The following CAMKMT variants were observed in gnomAD, a reference collection of about 807,000 sequenced individuals.
The protein encoded by CAMKMT is CaM KMT.
Under a neutral mutation model 48.0 loss-of-function variants are expected in CAMKMT, and 53 were observed. That is an observed-to-expected ratio of 1.10 (90% confidence interval 0.89 to 1.39). CAMKMT has a LOEUF of 1.39. Among genes scored for constraint, CAMKMT ranks in the 40% most tolerant of loss-of-function variants. CAMKMT has a pLI of 0.00. For missense variants in CAMKMT, 428 were observed against 402.7 expected, an observed-to-expected ratio of 1.06 and a Z score of -0.54; for synonymous variants, 165 against 152.3, an observed-to-expected ratio of 1.08 and a Z score of -0.61.
intron 3 of CAMKMT, among the ~76,000 whole-genome samples, chr2:44,600,514 C>T (rs1022532757): frequency 7.9e-5 from 12 of 152,082 alleles, no homozygotes; most frequent in African/African-American, 2.4e-4. Flanking sequence ...AGCCATCCTT[C>T]GACCTCAGCC....
intron 3 of CAMKMT, among the ~76,000 whole-genome samples, chr2:44,555,274 T>G (rs1667945746): frequency 6.6e-6 from 1 of 152,172 alleles, no homozygotes; most frequent in East Asian, 1.9e-4. Flanking sequence ...ATTGAGACCT[T>G]AAACTAGGGG....
chr2:44,372,935 G>T, intron 2 of CAMKMT, 47 bp downstream of exon 2: 2 of 1,476,508 alleles, frequency 1.4e-6, no homozygotes, highest in South Asian at 1.3e-5. Flanking sequence ...GATTTCTCTT[G>T]GATAAGAAAA....
chr2:44,419,371 C>T (rs892094021), intron 3 of CAMKMT, among the ~76,000 whole-genome samples: 3 of 152,106 alleles, frequency 2.0e-5, no homozygotes, highest in Non-Finnish European at 2.9e-5. Flanking sequence ...GTGGAAGGTA[C>T]GATGGCAGCT....
intron 3 of CAMKMT, among the ~76,000 whole-genome samples, chr2:44,621,546 G>A (rs1672195432): frequency 6.6e-6 from 1 of 152,188 alleles, no homozygotes; most frequent in Non-Finnish European, 1.5e-5. Context: ...ATTCTAGGCA[G>A]AGGAAACAAA....
At chr2:44,453,099 C>T (rs573504299) in intron 3 of CAMKMT, among the ~76,000 whole-genome samples, 1 of 152,088 alleles carries the variant, frequency 6.6e-6, no homozygotes, top group South Asian at 2.1e-4. Context: ...ATGGAGACGA[C>T]AATGCTTGCT....
chr2:44,405,826 A>G (rs1436003164), intron 3 of CAMKMT, among the ~76,000 whole-genome samples: 2 of 152,180 alleles, frequency 1.3e-5, no homozygotes, highest in African/African-American at 4.8e-5. Flanking sequence ...TGCCTATGAA[A>G]TGTATATTCA....
intron 3 of CAMKMT, among the ~76,000 whole-genome samples, chr2:44,413,475 A>G (rs1298782667): frequency 6.6e-6 from 1 of 152,100 alleles, no homozygotes; most frequent in Non-Finnish European, 1.5e-5. Flanking sequence ...AACGTAGTGA[A>G]ACCCCGTGTC....
At chr2:44,624,021 C>T (rs1324986699) in intron 3 of CAMKMT, among the ~76,000 whole-genome samples, 1 of 152,080 alleles carries the variant, frequency 6.6e-6, no homozygotes, top group African/African-American at 2.4e-5. Flanking sequence ...TATGAATTTA[C>T]TACCACAGAT....
intron 3 of CAMKMT, among the ~76,000 whole-genome samples, chr2:44,565,142 C>T (rs952262645): frequency 6.7e-6 from 1 of 148,902 alleles, no homozygotes; most frequent in Non-Finnish European, 1.5e-5. Context: ...GCCAAAGGGA[C>T]CCCCCAAGTG....
intron 3 of CAMKMT, among the ~76,000 whole-genome samples, chr2:44,674,406 A>G (rs1573046813): frequency 6.6e-6 from 1 of 152,344 alleles, no homozygotes; most frequent in Middle Eastern, 3.4e-3. Context: ...AGTATCCAAA[A>G]GCTAGAGCAC....
intron 1 of CAMKMT, among the ~76,000 whole-genome samples, chr2:44,367,754 A>T (rs879581279): frequency 6.6e-6 from 1 of 152,226 alleles, no homozygotes; most frequent in Admixed American, 6.5e-5. Flanking sequence ...GCTGTACTCG[A>T]TGTTTAAGAT....
At chr2:44,493,676 G>T (rs1264637389) in intron 3 of CAMKMT, among the ~76,000 whole-genome samples, 1 of 152,076 alleles carries the variant, frequency 6.6e-6, no homozygotes, top group East Asian at 1.9e-4. Context: ...AACTTTGAGA[G>T]CTCCTTCTTT....
At chr2:44,389,956 G>C (rs577406427) in intron 2 of CAMKMT, among the ~76,000 whole-genome samples, 3 of 152,190 alleles carry the variant, frequency 2.0e-5, no homozygotes, top group East Asian at 3.9e-4. Context: ...AAAAGGTTAA[G>C]AACTTCCCTT....
chr2:44,587,929 C>T (rs1366887984), intron 3 of CAMKMT, among the ~76,000 whole-genome samples: 1 of 105,040 alleles, frequency 9.5e-6, no homozygotes, highest in East Asian at 2.2e-4. Flanking sequence ...GCGTCTCTGC[C>T]TGGTCCCCCA....
chr2:44,388,459 G>C (rs1680989732), intron 2 of CAMKMT, among the ~76,000 whole-genome samples: 1 of 152,020 alleles, frequency 6.6e-6, no homozygotes. Flanking sequence ...TTTCTCTGGT[G>C]CCTCCCTGAT....
chr2:44,461,236 G>GTTCTGTTC (rs2104619523), intron 3 of CAMKMT, among the ~76,000 whole-genome samples: 2 of 152,266 alleles, frequency 1.3e-5, no homozygotes, highest in African/African-American at 4.8e-5. Flanking sequence ...AATCCAGACT[G>GTTCTGTTC]ACATCTCTGT....
chr2:44,424,221 A>T (rs886355999), intron 3 of CAMKMT, among the ~76,000 whole-genome samples: 3 of 151,882 alleles, frequency 2.0e-5, no homozygotes, highest in African/African-American at 7.3e-5. Context: ...AATTTTTTTC[A>T]AGCCCTCCTG....
intron 3 of CAMKMT, among the ~76,000 whole-genome samples, chr2:44,605,858 GA>G (rs551828659): frequency 9.9e-5 from 15 of 151,910 alleles, no homozygotes; most frequent in African/African-American, 3.4e-4. Flanking sequence ...GGCATAGAAG[GA>G]AAAAAACCAC....
At chr2:44,439,707 G>A (rs1008298504) in intron 3 of CAMKMT, among the ~76,000 whole-genome samples, 1 of 151,768 alleles carries the variant, frequency 6.6e-6, no homozygotes, top group Admixed American at 6.6e-5. Context: ...GCGTCGTGGC[G>A]GGCGCCTGTA....
Sources: allele counts gnomAD v4.1 joint callset (sites outside exome capture counted in the v4.1 genomes callset), GRCh38; gene constraint gnomAD v4.1.1; transcripts MANE v1.5; gene names NCBI Gene and HGNC (gene_info 2026-07-23, HGNC 2026-07-21).